The following STK39 variants were observed in gnomAD, a reference collection of about 807,000 sequenced individuals.
STK39 encodes the protein STE20/SPS1-related proline-alanine-rich protein kinase.
STK39 carries 20 observed loss-of-function variants against 77.8 expected under a neutral mutation model. That is an observed-to-expected ratio of 0.26 (90% CI 0.18 to 0.37). The LOEUF (loss-of-function observed/expected upper bound fraction) is 0.37, where lower values mean the gene tolerates loss of function less well. Among genes scored for constraint, STK39 ranks in the 10% least tolerant of loss-of-function variants. The pLI, the probability that STK39 is intolerant of heterozygous loss-of-function variation, is 1.00. For synonymous variants in STK39, 246 were observed against 234.1 expected, an observed-to-expected ratio of 1.05 and a Z score of -0.47; for missense variants, 479 against 656.5, an observed-to-expected ratio of 0.73 and a Z score of 2.95.
chr2:168,195,541 A>G (rs1225888631), intron 1 of STK39, among the ~76,000 whole-genome samples: 1 of 152,244 alleles, frequency 6.6e-6, no homozygotes, highest in Admixed American at 6.5e-5. Flanking sequence ...CCTACTAGCT[A>G]CAGTATGTGA....
At chr2:168,191,472 G>C (rs1335304794) in intron 1 of STK39, among the ~76,000 whole-genome samples, 1 of 152,154 alleles carries the variant, frequency 6.6e-6, no homozygotes, top group African/African-American at 2.4e-5. Context: ...GAAGGCCCTG[G>C]ATTTGGGCAG....
At chr2:168,247,015 C>T (rs1341253789) in intron 1 of STK39, among the ~76,000 whole-genome samples, 1 of 150,070 alleles carries the variant, frequency 6.7e-6, no homozygotes, top group Non-Finnish European at 1.5e-5. Flanking sequence ...GCCGCGCCGC[C>T]TCCTGCAGCA....
In STK39 at chr2:168,237,271, T is replaced by C. The variant is rs373230314; in HGVS notation, c.208+9957A>G. On this transcript the variant is annotated intron_variant, in intron 1 of 17. Transcript: ENST00000355999. ...GTCTGTTATTGGTGTATAAGAATGC[T>C]TGTGATTTTTGCACATTGATTTTGT... Among the ~76,000 whole-genome samples, 811 of 152,314 alleles carry C rather than the reference T, an allele frequency of 5.3e-3. 3 individuals are homozygous for C. The highest frequency in any genetic ancestry group is 0.014 in the African/African-American group (573 of 41,568).
At chr2:168,246,513 G>A (rs900122193) in intron 1 of STK39, among the ~76,000 whole-genome samples, 2 of 152,250 alleles carry the variant, frequency 1.3e-5, no homozygotes, top group African/African-American at 4.8e-5. Flanking sequence ...CAGGGCAGGA[G>A]GCCAGGGCAC....
At chr2:168,016,403 A>AAC (rs1426684745) in intron 15 of STK39, among the ~76,000 whole-genome samples, 3 of 150,872 alleles carry the variant, frequency 2.0e-5, no homozygotes, top group East Asian at 1.9e-4. Flanking sequence ...AAAAAAAAAA[A>AAC]AAAAAAAAAA....
At position 167,964,674 on chromosome 2, in the gene STK39, C is replaced by A; in HGVS notation, c.1551G>T (p.Leu517Phe). 1.2e-6 allele frequency: 2 copies of A among 1,610,860 alleles called. No homozygotes were observed. The highest frequency in any genetic ancestry group is 2.2e-5 in the South Asian group (2 of 90,226). The change falls in exon 17 of 18, where the codon TTG (leucine) becomes TTT (phenylalanine). Residue 517 changes from leucine to phenylalanine, a missense_variant. By Grantham distance (22) the Leu-to-Phe change is conservative. Transcript: ENST00000355999. ...ACTTTCCACTTACCAACTTAAATGTCAATGTTTTTAAAGCTTTGGGATCAT... is the reference window on the plus strand; with the variant it reads ...ACTTTCCACTTACCAACTTAAATGTAAATGTTTTTAAAGCTTTGGGATCAT... ...IVDDPKALKTLTFKLASGCDG... is the reference protein window; with the variant it reads ...IVDDPKALKTFTFKLASGCDG...
chr2:168,187,606 G>T (rs1237721724), intron 1 of STK39, among the ~76,000 whole-genome samples: 1 of 152,156 alleles, frequency 6.6e-6, no homozygotes, highest in Admixed American at 6.5e-5. Context: ...ATCTTAGCTA[G>T]CGTTGCTCCT....
Position 168,075,172 on chromosome 2 carries a change from C to T in STK39, c.1149G>A (p.Glu383=), listed in dbSNP as rs1419883596. 7 of 1,614,176 alleles carry T rather than the reference C, an allele frequency of 4.3e-6. No individual in the cohort carries two copies. The South Asian group carries it at 7.7e-5, about 18-fold the overall frequency. Reference sequence around the variant, plus strand: ...TCTCATCCATCTCGTCGTCACTCCACTCCCAGTCCCCGTCTTCGGTTTTAT... The same window carrying T: ...TCTCATCCATCTCGTCGTCACTCCATTCCCAGTCCCCGTCTTCGGTTTTAT... ...HLHKTEDGDW[E]WSDDEMDEKS... The change falls in exon 11 of 18, where the codon GAG becomes GAA. Residue 383 remains glutamate, a synonymous_variant. Transcript: ENST00000355999.
At chr2:168,021,825 A>C (rs1331006237) in intron 14 of STK39, among the ~76,000 whole-genome samples, 1 of 151,382 alleles carries the variant, frequency 6.6e-6, no homozygotes, top group Non-Finnish European at 1.5e-5. Flanking sequence ...CATATGGCTT[A>C]AAAATTAAAA....
chr2:168,144,631 T>C (rs1250677473), intron 5 of STK39, among the ~76,000 whole-genome samples: 2 of 136,264 alleles, frequency 1.5e-5, no homozygotes, highest in Non-Finnish European at 3.1e-5. Flanking sequence ...CTTTCATATT[T>C]ATAAGACTCA....
chr2:168,131,303 A>C (rs1415863075), intron 8 of STK39, among the ~76,000 whole-genome samples: 1 of 152,176 alleles, frequency 6.6e-6, no homozygotes, highest in African/African-American at 2.4e-5. Context: ...TTGGGAGAGA[A>C]AGGAGGAGGG....
chr2:168,080,139 A>G (rs1000005247), intron 10 of STK39, among the ~76,000 whole-genome samples: 3 of 152,224 alleles, frequency 2.0e-5, no homozygotes, highest in African/African-American at 7.2e-5. Flanking sequence ...ATGTTTCAGC[A>G]AAGAGACTGG....
chr2:168,182,396 A>C (rs1490160558), intron 1 of STK39, among the ~76,000 whole-genome samples: 1 of 152,136 alleles, frequency 6.6e-6, no homozygotes, highest in East Asian at 1.9e-4. Flanking sequence ...TTCTAGCTTG[A>C]GTGCCTTTAA....
At chr2:168,129,365 A>G (rs12618884) in intron 10 of STK39, among the ~76,000 whole-genome samples, 176 bp downstream of exon 10, 57,664 of 152,146 alleles carry the variant, frequency 0.38, 11,717 homozygotes, top group South Asian at 0.47. Flanking sequence ...ACCCAAATGT[A>G]TAACAACCAG....
intron 15 of STK39, 124 bp downstream of exon 15, chr2:168,016,919 C>G: frequency 4.4e-6 from 3 of 675,342 alleles, no homozygotes; most frequent in Non-Finnish European, 7.1e-6. Context: ...TTCTGTCTAT[C>G]TCTCCTTCCT....
At position 168,145,844 on chromosome 2, in the gene STK39, T is replaced by G. The variant is rs371661795; in HGVS notation, c.629-5086A>C. Among the ~76,000 whole-genome samples, 16 of 152,204 alleles carry G rather than the reference T, an allele frequency of 1.1e-4. No homozygotes were observed. The East Asian group carries it at 1.2e-3, about 11-fold the overall frequency. ...TATTTCTATTATCCAAATCTAAATA[T>G]AGATGAGCATAAGCCAGGTGACTGA... is the stretch of plus-strand genomic sequence containing the variant. On this transcript the variant is annotated intron_variant, in intron 5 of 17. Transcript: ENST00000355999.
At chr2:168,020,059 T>C (rs776126096) in intron 14 of STK39, among the ~76,000 whole-genome samples, 11 of 152,314 alleles carry the variant, frequency 7.2e-5, no homozygotes, top group Non-Finnish European at 1.5e-4. Context: ...AGTGCTTTCA[T>C]ATATATTAGC....
chr2:168,163,616 T>G (rs1195064781), intron 4 of STK39, 123 bp downstream of exon 4: 2 of 1,587,344 alleles, frequency 1.3e-6, no homozygotes, highest in Non-Finnish European at 1.7e-6. Flanking sequence ...AACATCTGAA[T>G]TTAAACATCT....
chr2:168,003,202 T>C (rs1168684269), intron 16 of STK39, among the ~76,000 whole-genome samples: 2 of 152,272 alleles, frequency 1.3e-5, no homozygotes, highest in African/African-American at 2.4e-5. Flanking sequence ...GGTCTTGAAC[T>C]CCTGACCTCA....
Sources: allele counts gnomAD v4.1 joint callset (sites outside exome capture counted in the v4.1 genomes callset), GRCh38; gene constraint gnomAD v4.1.1; transcripts MANE v1.5; gene names NCBI Gene and HGNC (gene_info 2026-07-23, HGNC 2026-07-21).